Variants in MYRIP observed in about 807,000 individuals in gnomAD.
The protein encoded by MYRIP is rab effector MyRIP.
A neutral mutation model predicts 98.0 loss-of-function variants in MYRIP; 49 were observed. The observed-to-expected ratio is 0.50, with a 90% CI of 0.40 to 0.63. The LOEUF (loss-of-function observed/expected upper bound fraction) is 0.63, where lower values mean the gene tolerates loss of function less well. MYRIP is among the 30% of genes least tolerant of loss of function. The pLI, the probability that MYRIP is intolerant of heterozygous loss-of-function variation, is 0.00. For synonymous variants in MYRIP, 404 were observed against 409.5 expected, an observed-to-expected ratio of 0.99 and a Z score of 0.16; for missense variants, 1,004 against 1,058.2, an observed-to-expected ratio of 0.95 and a Z score of 0.71.
chr3:40,151,179 T>G lies in MYRIP; in HGVS notation c.464T>G (p.Ile155Ser), dbSNP rs768637569. ...HRLESGACFD[I>S]LGGSLFESNL... is the part of the protein sequence containing the mutation. ...CTGGAGAGTGGCGCGTGCTTCGACA[T>G]TCTAGGTACTCTCACTTCCTGCCGC... is the stretch of plus-strand genomic sequence containing the variant. The change falls in exon 4 of 17, where the codon ATT (isoleucine) becomes AGT (serine). Residue 155 changes from isoleucine (I) to serine (S), a missense_variant. By Grantham distance (142) the Ile-to-Ser change is moderately radical (BLOSUM62 -2). Transcript: ENST00000302541. The G allele has an allele frequency of 1.3e-6, 2 of 1,598,280 alleles. No homozygotes were observed. Among genetic ancestry groups the G allele is most frequent in the South Asian group, 2.2e-5 (2 of 89,108 alleles).
intron 2 of MYRIP, among the ~76,000 whole-genome samples, chr3:39,909,048 C>A (rs1432055591): frequency 1.3e-5 from 2 of 152,138 alleles, no homozygotes; most frequent in African/African-American, 4.8e-5. Flanking sequence ...GGTCACCTGG[C>A]AGTGCCCTGA....
intron 2 of MYRIP, among the ~76,000 whole-genome samples, chr3:39,973,685 A>G (rs1945662359): frequency 8.5e-6 from 1 of 118,214 alleles, no homozygotes; most frequent in African/African-American, 4.5e-5. Context: ...AAAAGAAGAG[A>G]AATTATAACA....
intron 2 of MYRIP, among the ~76,000 whole-genome samples, chr3:39,949,812 C>T (rs1315426408): frequency 2.0e-5 from 3 of 152,148 alleles, no homozygotes; most frequent in Non-Finnish European, 4.4e-5. Context: ...CAGTACAAAG[C>T]ACCTGTGTGC....
At chr3:39,967,115 T>A (rs1218219187) in intron 2 of MYRIP, among the ~76,000 whole-genome samples, 2 of 152,226 alleles carry the variant, frequency 1.3e-5, no homozygotes, top group African/African-American at 4.8e-5. Flanking sequence ...ACTCTTTTTT[T>A]AAACTTTTAT....
chr3:40,119,997 T>C (rs1164811199), intron 3 of MYRIP, among the ~76,000 whole-genome samples: 3 of 152,136 alleles, frequency 2.0e-5, no homozygotes, highest in Non-Finnish European at 4.4e-5. Context: ...TAGCCAGCGA[T>C]GTAGCCTTTG....
chr3:40,065,201 C>T (rs1355931856), intron 3 of MYRIP, among the ~76,000 whole-genome samples: 3 of 152,164 alleles, frequency 2.0e-5, no homozygotes, highest in Non-Finnish European at 4.4e-5. Flanking sequence ...TAGCCTCTGC[C>T]TTCGTTATCA....
intron 3 of MYRIP, among the ~76,000 whole-genome samples, chr3:40,066,765 G>A (rs1948135600): frequency 1.3e-5 from 2 of 152,186 alleles, no homozygotes; most frequent in South Asian, 4.1e-4. Context: ...TGTTATAGGA[G>A]CAAATGAATG....
chr3:39,997,404 A>T (rs2125780436), intron 2 of MYRIP, among the ~76,000 whole-genome samples: 2 of 152,162 alleles, frequency 1.3e-5, no homozygotes, highest in Middle Eastern at 6.8e-3. Flanking sequence ...TACTATAAAC[A>T]CCTCTATGCA....
chr3:40,006,681 G>A (rs183021150), intron 2 of MYRIP, among the ~76,000 whole-genome samples: 1 of 152,174 alleles, frequency 6.6e-6, no homozygotes, highest in African/African-American at 2.4e-5. Context: ...TGTTGATTAT[G>A]CTGCCCTGTA....
At chr3:40,155,148 C>G (rs560428979) in intron 4 of MYRIP, among the ~76,000 whole-genome samples, 27 of 128,854 alleles carry the variant, frequency 2.1e-4, no homozygotes, top group African/African-American at 7.1e-4. Context: ...ACCCTCCCCC[C>G]ACCCCACAAC....
At chr3:40,113,928 A>C (rs1295044263) in intron 3 of MYRIP, among the ~76,000 whole-genome samples, 1 of 151,944 alleles carries the variant, frequency 6.6e-6, no homozygotes, top group Non-Finnish European at 1.5e-5. Context: ...TGACCTCATG[A>C]CCCGCCCGCC....
intron 3 of MYRIP, among the ~76,000 whole-genome samples, chr3:40,077,788 G>T (rs190692310): frequency 6.6e-6 from 1 of 152,262 alleles, no homozygotes; most frequent in Non-Finnish European, 1.5e-5. Flanking sequence ...TACAATCCCT[G>T]AGCTAGACAT....
chr3:39,877,873 A>T (rs562240165), intron 1 of MYRIP, among the ~76,000 whole-genome samples: 2 of 152,322 alleles, frequency 1.3e-5, no homozygotes, highest in African/African-American at 4.8e-5. Context: ...CTCTCTTCAA[A>T]GCTGTCAGAC....
chr3:40,029,554 A>G (rs919440619), intron 2 of MYRIP, among the ~76,000 whole-genome samples: 8 of 152,198 alleles, frequency 5.3e-5, no homozygotes, highest in Non-Finnish European at 1.0e-4. Flanking sequence ...AGAAGTTGTA[A>G]AAACATACAT....
intron 11 of MYRIP, among the ~76,000 whole-genome samples, chr3:40,216,900 T>C (rs9852029): frequency 0.053 from 8,080 of 152,254 alleles, 689 homozygotes; most frequent in African/African-American, 0.18. Context: ...AATTTGTAAA[T>C]GCTTTTACAT....
intron 2 of MYRIP, among the ~76,000 whole-genome samples, chr3:39,939,776 A>G (rs939092425): frequency 6.6e-6 from 1 of 152,208 alleles, no homozygotes; most frequent in Non-Finnish European, 1.5e-5. Context: ...AAATGTAAAG[A>G]TTTAATGGCA....
At chr3:40,109,729 T>TGTCCTCC (rs1350923364) in intron 3 of MYRIP, among the ~76,000 whole-genome samples, 2 of 152,228 alleles carry the variant, frequency 1.3e-5, no homozygotes, top group Non-Finnish European at 2.9e-5. Flanking sequence ...CCCTAGCCTC[T>TGTCCTCC]GTCCTCCATA....
At position 40,108,040 on chromosome 3, in the gene MYRIP, A is replaced by G. The variant is rs182195979; in HGVS notation, c.333-43008A>G. Among the ~76,000 whole-genome samples, 6 of 152,350 alleles carry G rather than the reference A, an allele frequency of 3.9e-5. No individual in the cohort carries two copies. In the East Asian group the frequency reaches 1.2e-3, roughly 29 times the overall value. ...GAGAGGCTGGATAAGCAGGCTAATT[A>G]GAAACCTTTGTGTGGTGATCCAAGT... On this transcript the variant is annotated intron_variant, in intron 3 of 16. Transcript: ENST00000302541.
At chr3:40,023,028 A>T (rs1382826887) in intron 2 of MYRIP, among the ~76,000 whole-genome samples, 2 of 152,186 alleles carry the variant, frequency 1.3e-5, no homozygotes, top group Admixed American at 1.3e-4. Context: ...ACAGTAGTTT[A>T]TGACACACAT....
Sources: gnomAD v4.1 joint callset for allele counts (sites outside exome capture counted in the v4.1 genomes callset) on GRCh38, gnomAD v4.1.1 for gene constraint, MANE v1.5 for transcripts, NCBI Gene and HGNC (gene_info 2026-07-23, HGNC 2026-07-21) for gene names.